AP3B1: variants seen among roughly 807,000 people sequenced by gnomAD.
AP3B1 encodes the protein adaptor related protein complex 3 subunit beta 1, also known as AP-3 complex subunit beta-1.
A neutral mutation model predicts 132.5 loss-of-function variants in AP3B1; 61 were observed. The ratio of observed to expected loss-of-function variants is 0.46; its 90% CI spans 0.37 to 0.57. The LOEUF (loss-of-function observed/expected upper bound fraction) is 0.57. Among genes scored for constraint, AP3B1 ranks in the 20% least tolerant of loss-of-function variants. The pLI, the probability that AP3B1 is intolerant of heterozygous loss-of-function variation, is 0.00. For missense variants in AP3B1, 1,120 were observed against 1,289.4 expected (o/e 0.87, Z 2.01); for synonymous variants, 388 against 438.3 (o/e 0.89, Z 1.43).
chr5:78,183,183 T>C (rs1397287010), intron 7 of AP3B1, among the ~76,000 whole-genome samples: 3 of 152,132 alleles, frequency 2.0e-5, no homozygotes, highest in Non-Finnish European at 4.4e-5. Flanking sequence ...ATGGTAACAA[T>C]GAGTAAAATC....
At position 78,186,310 on chromosome 5, in the gene AP3B1, T is replaced by C. The variant is rs1243920149; in HGVS notation, c.787-4648A>G. ...TACAACAGAGAAGGACATTATAGAA[T>C]GACAAAATGGATAATCTACAATGAA... On this transcript the variant is annotated intron_variant, in intron 7 of 26. Transcript: ENST00000255194. Among the ~76,000 whole-genome samples the C allele has an allele frequency of 3.9e-5, 6 of 152,158 alleles. 1 individual carries two copies. Among genetic ancestry groups the C allele is most frequent in the Admixed American group, 3.9e-4 (6 of 15,274 alleles).
chr5:78,068,772 T>C (rs1749404296), intron 22 of AP3B1, among the ~76,000 whole-genome samples: 1 of 150,804 alleles, frequency 6.6e-6, no homozygotes, highest in Non-Finnish European at 1.5e-5. Context: ...ATCATCCTGA[T>C]ACCAAAACCT....
chr5:78,181,077 T>A (rs771124348), intron 8 of AP3B1, among the ~76,000 whole-genome samples: 7 of 152,068 alleles, frequency 4.6e-5, no homozygotes, highest in Non-Finnish European at 8.8e-5. Flanking sequence ...TATGGACTAA[T>A]ACCAGATCAA....
At chr5:78,157,912 G>T (rs565116618) in intron 13 of AP3B1, among the ~76,000 whole-genome samples, 1 of 152,062 alleles carries the variant, frequency 6.6e-6, no homozygotes, top group African/African-American at 2.4e-5. Context: ...CACCACGCCT[G>T]GCTAATTTTT....
chr5:78,045,381 A>AG (rs1328130438), intron 22 of AP3B1, among the ~76,000 whole-genome samples: 1 of 122,540 alleles, frequency 8.2e-6, no homozygotes, highest in Non-Finnish European at 1.7e-5. Context: ...GCTCTGTCTC[A>AG]AAAAAAAAAA....
intron 21 of AP3B1, among the ~76,000 whole-genome samples, chr5:78,097,273 C>T (rs1405494115): frequency 4.0e-5 from 5 of 125,782 alleles, no homozygotes; most frequent in African/African-American, 6.9e-5. Flanking sequence ...CCACCCCGTC[C>T]GGGAGGGAGG....
intron 12 of AP3B1, among the ~76,000 whole-genome samples, chr5:78,164,263 TAGAC>T (rs1694932013): frequency 6.6e-6 from 1 of 152,092 alleles, no homozygotes; most frequent in African/African-American, 2.4e-5. Flanking sequence ...GGTACAAATT[TAGAC>T]AGTGATAAAA....
intron 14 of AP3B1, among the ~76,000 whole-genome samples, chr5:78,141,727 C>A (rs958370497): frequency 1.3e-5 from 2 of 152,080 alleles, no homozygotes; most frequent in African/African-American, 4.8e-5. Context: ...GACTGTCTAG[C>A]AATTTATAGA....
chr5:78,015,438 C>T lies in AP3B1; in HGVS notation c.3103G>A (p.Val1035Ile), dbSNP rs1746816713. Reference protein sequence around the residue: ...KVVNVANVGAVPSGQDNIHRF... With the variant: ...KVVNVANVGAIPSGQDNIHRF... The stretch of plus-strand genomic sequence containing the variant: ...TGTATATTATCCTGGCCAGAAGGGA[C>T]TGCACCTACATTGGCTACATTTACA... Residue 1035 changes from valine to isoleucine, a missense_variant, in exon 26 of 27, where the codon GTC (valine) becomes ATC (isoleucine). This residue lies in a region of AP3B1 where 906 missense variants were observed against 997.1 expected (regional missense o/e 0.91). Transcript: ENST00000255194. 8.1e-6 allele frequency: 13 copies of T among 1,613,870 alleles called. No individual in the cohort carries two copies. In the East Asian group the frequency reaches 2.9e-4, roughly 36 times the overall value.
intron 3 of AP3B1, among the ~76,000 whole-genome samples, chr5:78,234,555 A>G (rs1295003352): frequency 1.3e-5 from 2 of 152,206 alleles, no homozygotes; most frequent in Non-Finnish European, 2.9e-5. Flanking sequence ...AATATATCAA[A>G]TATATATCAA....
intron 7 of AP3B1, among the ~76,000 whole-genome samples, chr5:78,199,607 G>T (rs1327750359): frequency 6.6e-6 from 1 of 152,118 alleles, no homozygotes; most frequent in Non-Finnish European, 1.5e-5. Context: ...GAAAGTAAAT[G>T]TGTGTTGAAT....
chr5:78,167,626 T>TACACACAC (rs201989787), intron 11 of AP3B1, among the ~76,000 whole-genome samples: 8 of 142,892 alleles, frequency 5.6e-5, no homozygotes, highest in East Asian at 2.0e-4. Flanking sequence ...GAACATGTTA[T>TACACACAC]ATATATACAC....
At chr5:78,142,860 T>C (rs1753212966) in intron 14 of AP3B1, among the ~76,000 whole-genome samples, 1 of 152,114 alleles carries the variant, frequency 6.6e-6, no homozygotes, top group African/African-American at 2.4e-5. Context: ...ATGCCCTTAC[T>C]GCATACTGAT....
At position 78,113,765 on chromosome 5, in the gene AP3B1, C is replaced by G. The variant is rs916250160; in HGVS notation, c.2236G>C (p.Ala746Pro). 6.2e-7 allele frequency: 1 copy of G among 1,613,806 alleles called. No homozygotes were observed. Among genetic ancestry groups the G allele is most frequent in the Admixed American group, 1.7e-5 (1 of 60,004 alleles). ...NKRTAKRNSKAKGKSDSEDGE... is the reference protein window; with the variant it reads ...NKRTAKRNSKPKGKSDSEDGE... ...AAAATAAGTTACCTTTTTCCTTTGG[C>G]TTTTGAGTTCCTCTTGGCTGTTCTT... is the stretch of plus-strand genomic sequence containing the variant. The change falls in exon 19 of 27, where the codon GCC becomes CCC. Residue 746 changes from alanine to proline, a missense_variant. Physicochemically the swap from Ala to Pro is conservative, Grantham distance 27. Transcript: ENST00000255194.
At chr5:78,079,772 C>T (rs943182397) in intron 22 of AP3B1, among the ~76,000 whole-genome samples, 1 of 152,122 alleles carries the variant, frequency 6.6e-6, no homozygotes, top group Non-Finnish European at 1.5e-5. Flanking sequence ...CATCCCTCCC[C>T]CATCGAGCAT....
chr5:78,059,852 G>C (rs1447543608), intron 22 of AP3B1, among the ~76,000 whole-genome samples: 10 of 152,106 alleles, frequency 6.6e-5, no homozygotes, highest in African/African-American at 2.4e-4. Flanking sequence ...CCTTTATTTA[G>C]TATGAATCTT....
intron 7 of AP3B1, among the ~76,000 whole-genome samples, chr5:78,207,567 G>A (rs748461240): frequency 6.6e-6 from 1 of 151,922 alleles, no homozygotes; most frequent in Non-Finnish European, 1.5e-5. Flanking sequence ...TGTAAACATC[G>A]AATTTTTAAA....
chr5:78,119,471 T>G (rs551783676), intron 17 of AP3B1, among the ~76,000 whole-genome samples: 2 of 152,086 alleles, frequency 1.3e-5, no homozygotes, highest in African/African-American at 4.8e-5. Flanking sequence ...ATACCTAGAA[T>G]AACCAATGCA....
At chr5:78,008,285 CAAGA>C (rs1746479662) in intron 26 of AP3B1, among the ~76,000 whole-genome samples, 1 of 152,168 alleles carries the variant, frequency 6.6e-6, no homozygotes, top group Non-Finnish European at 1.5e-5. Context: ...GGAAAAGCAT[CAAGA>C]ATACCTTTCT....
Sources: gnomAD v4.1 joint callset for allele counts (sites outside exome capture counted in the v4.1 genomes callset) on GRCh38, gnomAD v4.1.1 for gene constraint, gnomAD v4.1.1 regional missense constraint, MANE v1.5 for transcripts, NCBI Gene and HGNC (gene_info 2026-07-23, HGNC 2026-07-21) for gene names.